The following UGT8 variants were observed in gnomAD, a reference collection of about 807,000 sequenced individuals.
The protein encoded by UGT8 is 2-hydroxyacylsphingosine 1-beta-galactosyltransferase.
UGT8 carries 12 observed loss-of-function variants against 40.5 expected under a neutral mutation model. The ratio of observed to expected loss-of-function variants is 0.30; its 90% CI spans 0.19 to 0.48. UGT8 has a LOEUF of 0.48. UGT8 is among the 20% of genes least tolerant of loss of function. The pLI is 0.99. For synonymous variants in UGT8, 224 were observed against 240.4 expected (o/e 0.93, Z 0.63); for missense variants, 513 against 648.7 (o/e 0.79, Z 2.27).
chr4:114,676,336 T>C lies in UGT8; in HGVS notation c.*48T>C, dbSNP rs1436108118. On this transcript the variant is annotated 3_prime_UTR_variant, in exon 6 of 6. Coordinates refer to ENST00000310836, the MANE Select transcript of UGT8 (RefSeq NM_001128174.3). ...ATAAATTGGTTCACTCATTGAATTT[T>C]TATTGCTATTATTTAGTCTAACAGC... The C allele has an allele frequency of 6.9e-7, 1 of 1,455,172 alleles. No individual in the cohort carries two copies. The highest frequency in any genetic ancestry group is 2.2e-5 in the Admixed American group (1 of 45,304). The allele number at this position is 1,455,172 out of a possible 1,614,324, so 90.1% of individuals were successfully genotyped here. A position where few individuals can be genotyped will look rare whatever the true frequency, so the allele number is the denominator to read the frequency against.
intron 2 of UGT8, among the ~76,000 whole-genome samples, chr4:114,628,384 G>T (rs902216822): frequency 3.9e-5 from 6 of 151,912 alleles, no homozygotes; most frequent in Non-Finnish European, 7.4e-5. Context: ...AAGTGATTCA[G>T]CCACCTTGGC....
At chr4:114,611,098 A>G (rs1157742991) in intron 1 of UGT8, among the ~76,000 whole-genome samples, 1 of 152,040 alleles carries the variant, frequency 6.6e-6, no homozygotes, top group Non-Finnish European at 1.5e-5. Context: ...AAATCCCAAT[A>G]AAAGAGAATT....
At chr4:114,671,570 T>C (rs545726486) in intron 5 of UGT8, among the ~76,000 whole-genome samples, 1 of 152,252 alleles carries the variant, frequency 6.6e-6, no homozygotes, top group African/African-American at 2.4e-5. Flanking sequence ...AAACAAGCAA[T>C]GGGGAAAGGA....
At chr4:114,666,543 AT>A (rs1261766640) in intron 4 of UGT8, among the ~76,000 whole-genome samples, 1 of 151,982 alleles carries the variant, frequency 6.6e-6, no homozygotes, top group Non-Finnish European at 1.5e-5. Context: ...TGATCCTTGT[AT>A]TTTTTTATTT....
chr4:114,602,786 T>A (rs74504819), intron 1 of UGT8, among the ~76,000 whole-genome samples: 8,826 of 152,266 alleles, frequency 0.058, 358 homozygotes, highest in East Asian at 0.14. Context: ...TGAGGGTTTC[T>A]TAGAGGGTGA....
At chr4:114,616,492 T>C (rs1731442776) in intron 1 of UGT8, among the ~76,000 whole-genome samples, 1 of 152,140 alleles carries the variant, frequency 6.6e-6, no homozygotes, top group Non-Finnish European at 1.5e-5. Context: ...TCCAGGTGCC[T>C]TCTGTCACCC....
chr4:114,656,107 A>C (rs944463240), intron 2 of UGT8, among the ~76,000 whole-genome samples: 2 of 152,116 alleles, frequency 1.3e-5, no homozygotes, highest in Admixed American at 6.5e-5. Context: ...TTCATTATTG[A>C]TGATGTCCAC....
At chr4:114,656,925 A>G in intron 2 of UGT8, 1 of 444,038 alleles carries the variant, frequency 2.3e-6, no homozygotes, top group Non-Finnish European at 4.5e-6. Context: ...ATTCTTTGAT[A>G]TGTCCCAAGT....
intron 2 of UGT8, among the ~76,000 whole-genome samples, chr4:114,657,769 A>T (rs1200631901): frequency 6.6e-6 from 1 of 152,010 alleles, no homozygotes; most frequent in African/African-American, 2.4e-5. Context: ...ATGGCCAGGG[A>T]AGAGAACAGC....
chr4:114,636,650 T>C (rs1483089568), intron 2 of UGT8, among the ~76,000 whole-genome samples: 1 of 152,200 alleles, frequency 6.6e-6, no homozygotes, highest in East Asian at 1.9e-4. Flanking sequence ...ATTTAGCCTT[T>C]GATTTCTCTT....
rs370414209 is a variant in UGT8, at chr4:114,625,334, G to A, written c.822+1632G>A. On this transcript the variant is annotated intron_variant, in intron 2 of 5. Coordinates refer to ENST00000310836, the MANE Select transcript of UGT8 (RefSeq NM_001128174.3). ...TCGAGACCAGCCTGGACAACATAGT[G>A]AAACCTTGTCTCTACAAAAAATAAA... is the stretch of plus-strand genomic sequence containing the variant. Among the ~76,000 whole-genome samples the A allele has an allele frequency of 4.6e-5, 7 of 152,002 alleles. No individual in the cohort carries two copies. The East Asian group carries it at 1.4e-3, about 29-fold the overall frequency.
At chr4:114,648,577 G>A (rs1016039792) in intron 2 of UGT8, among the ~76,000 whole-genome samples, 1 of 152,094 alleles carries the variant, frequency 6.6e-6, no homozygotes, top group Admixed American at 6.5e-5. Flanking sequence ...GGAACAAGCT[G>A]TTGACATGTT....
intron 2 of UGT8, among the ~76,000 whole-genome samples, chr4:114,651,952 T>C (rs1733917758): frequency 6.6e-6 from 1 of 151,890 alleles, no homozygotes; most frequent in Non-Finnish European, 1.5e-5. Flanking sequence ...TTATGGGGAA[T>C]ACACTATTTG....
intron 5 of UGT8, among the ~76,000 whole-genome samples, chr4:114,672,696 G>C (rs188311636): frequency 6.6e-6 from 1 of 151,856 alleles, no homozygotes; most frequent in Non-Finnish European, 1.5e-5. Flanking sequence ...GGAACTTAGC[G>C]GATGGGTCAA....
intron 2 of UGT8, among the ~76,000 whole-genome samples, chr4:114,631,566 A>G (rs1158260581): frequency 6.6e-6 from 1 of 152,164 alleles, no homozygotes; most frequent in Non-Finnish European, 1.5e-5. Context: ...CTCTTTCAGT[A>G]TTGCTTAGAT....
At chr4:114,626,554 G>A (rs992187628) in intron 2 of UGT8, among the ~76,000 whole-genome samples, 2 of 152,168 alleles carry the variant, frequency 1.3e-5, no homozygotes, top group East Asian at 3.8e-4. Flanking sequence ...CCTGTAGAGA[G>A]CATATAGTTC....
chr4:114,602,989 A>G (rs1056590333), intron 1 of UGT8, among the ~76,000 whole-genome samples: 4 of 152,194 alleles, frequency 2.6e-5, no homozygotes, highest in Non-Finnish European at 4.4e-5. Flanking sequence ...TTTAGAAGAT[A>G]TTGGGGTGGC....
chr4:114,638,307 A>T (rs994126010), intron 2 of UGT8, among the ~76,000 whole-genome samples: 1 of 152,158 alleles, frequency 6.6e-6, no homozygotes, highest in Admixed American at 6.6e-5. Context: ...GGTGCTGAAG[A>T]GTATGACATT....
chr4:114,671,024 G>A (rs1049150382), intron 5 of UGT8, among the ~76,000 whole-genome samples: 1 of 152,070 alleles, frequency 6.6e-6, no homozygotes, highest in Non-Finnish European at 1.5e-5. Context: ...CAATAGGCAA[G>A]CAGAGAGCCA....
Sources: allele counts gnomAD v4.1 joint callset (sites outside exome capture counted in the v4.1 genomes callset), GRCh38; gene constraint gnomAD v4.1.1; transcripts MANE v1.5; gene names NCBI Gene and HGNC (gene_info 2026-07-23, HGNC 2026-07-21).